Variants in DHRS4L2 observed in about 807,000 individuals in gnomAD.
DHRS4L2 encodes the protein dehydrogenase/reductase 4 like 2.
Under a neutral mutation model 23.9 loss-of-function variants are expected in DHRS4L2, and 22 were observed. That is an observed-to-expected ratio of 0.92 (90% CI 0.66 to 1.31). The LOEUF (loss-of-function observed/expected upper bound fraction) is 1.31, where lower values mean the gene tolerates loss of function less well. Among genes scored for constraint, DHRS4L2 ranks in the 40% most tolerant of loss-of-function variants. The pLI is 0.00. For missense variants in DHRS4L2, 385 were observed against 303.3 expected (o/e 1.27, Z -2.00); for synonymous variants, 141 against 123.7 (o/e 1.14, Z -0.93).
intron 3 of DHRS4L2, among the ~76,000 whole-genome samples, chr14:23,995,411 C>A (rs2034361132): frequency 6.6e-6 from 1 of 151,742 alleles, no homozygotes; most frequent in African/African-American, 2.4e-5. Flanking sequence ...GCTCTTCTGC[C>A]TTGTTGATTT....
At chr14:23,983,109 A>G (rs1213850765) in intron 1 of DHRS4L2, among the ~76,000 whole-genome samples, 1 of 151,738 alleles carries the variant, frequency 6.6e-6, no homozygotes, top group Non-Finnish European at 1.5e-5. Context: ...ACAGAATGGA[A>G]GAAAATTCTT....
rs1354615035 is a variant in DHRS4L2 at position 23,994,436 on chromosome 14, A to G, written c.307-596A>G. Among the ~76,000 whole-genome samples, 9 of 151,778 alleles carry G rather than the reference A, an allele frequency of 5.9e-5. 1 individual carries two copies. The highest frequency in any genetic ancestry group is 2.0e-4 in the Admixed American group (3 of 15,254). On this transcript the variant is annotated intron_variant, in intron 2 of 7. Coordinates refer to ENST00000335125, the MANE Select transcript of DHRS4L2 (RefSeq NM_198083.4). Reference sequence around the variant, plus strand: ...GCCAACTTCCTGGTGGCTTGTGCCTATAACACTTTAGGATACCAAGGCAGG... The same window carrying G: ...GCCAACTTCCTGGTGGCTTGTGCCTGTAACACTTTAGGATACCAAGGCAGG...
upstream of DHRS4L2, among the ~76,000 whole-genome samples, chr14:23,983,931 A>C (rs2034096069): frequency 6.6e-6 from 1 of 151,586 alleles, no homozygotes; most frequent in Admixed American, 6.6e-5. Flanking sequence ...TACTTAATAT[A>C]GATGACGTGT....
In DHRS4L2 at chr14:24,001,052, G is replaced by C. The variant is rs146938082; in HGVS notation, c.499G>C (p.Val167Leu). The C allele has an allele frequency of 2.5e-6, 4 of 1,611,338 alleles. No individual in the cohort carries two copies. In the South Asian group the frequency reaches 4.4e-5, roughly 18 times the overall value. The change falls in exon 5 of 8, where the codon GTG becomes CTG. Residue 167 changes from valine (V) to leucine (L), a missense_variant. Transcript: ENST00000335125. The stretch of plus-strand genomic sequence containing the variant: ...TTCCAGAGGCGGCTCAGTGGTGATC[G>C]TGTCTTCCATAGCAGCCTTCAGTCC... Reference protein sequence around the residue: ...EKRGGGSVVIVSSIAAFSPSP... With the variant: ...EKRGGGSVVILSSIAAFSPSP...
At chr14:23,981,267 A>G (rs1394859918) in intron 1 of DHRS4L2, among the ~76,000 whole-genome samples, 1 of 151,642 alleles carries the variant, frequency 6.6e-6, no homozygotes, top group East Asian at 1.9e-4. Context: ...GACCTCTTCA[A>G]GGAGAACTAC....
intron 3 of DHRS4L2, among the ~76,000 whole-genome samples, chr14:24,000,407 ATC>A (rs1308958448): frequency 6.6e-6 from 1 of 151,146 alleles, no homozygotes; most frequent in Non-Finnish European, 1.5e-5. Flanking sequence ...GGCCAAGAAC[ATC>A]TCACTCCCTA....
intron 3 of DHRS4L2, among the ~76,000 whole-genome samples, chr14:23,998,238 A>G (rs71405828): frequency 7.9e-5 from 12 of 152,138 alleles, no homozygotes; most frequent in South Asian, 2.1e-4. Context: ...TGTTCCATTT[A>G]CAGAGCACAG....
At chr14:24,000,671 C>G (rs1289428431) in intron 3 of DHRS4L2, among the ~76,000 whole-genome samples, 192 bp from the exon 4 acceptor site, 1 of 151,898 alleles carries the variant, frequency 6.6e-6, no homozygotes, top group South Asian at 2.1e-4. Context: ...GTATCATTAT[C>G]TAGCTGAGCA....
Position 24,001,039 on chromosome 14 carries a change from C to A in DHRS4L2, c.486C>A (p.Gly162=). 2 of 1,611,534 alleles carry A rather than the reference C, an allele frequency of 1.2e-6. No homozygotes were observed. The highest frequency in any genetic ancestry group is 1.7e-6 in the Non-Finnish European group (2 of 1,179,498). Residue 162 remains glycine, a synonymous_variant, in exon 5 of 8, where the codon GGC becomes GGA. Coordinates refer to ENST00000335125, the MANE Select transcript of DHRS4L2 (RefSeq NM_198083.4). The part of the protein sequence containing the change: ...VVPEMEKRGG[G]SVVIVSSIAA... ...AGCTCTCTTCTTTTTCCAGAGGCGG[C>A]TCAGTGGTGATCGTGTCTTCCATAG...
At chr14:23,987,137 T>C (rs933602385), upstream of DHRS4L2, 22 of 291,092 alleles carry the variant, frequency 7.6e-5, no homozygotes, top group African/African-American at 5.2e-4. Context: ...CCTTGTTTTT[T>C]TTCTTTTTGT....
At chr14:23,977,977 TTGAAACC>T in intron 1 of DHRS4L2, among the ~76,000 whole-genome samples, 1 of 151,812 alleles carries the variant, frequency 6.6e-6, no homozygotes, top group Admixed American at 6.5e-5. Flanking sequence ...GGATATAAAA[TTGAAACC>T]TTAACTTCTC....
rs756556457 is a variant in DHRS4L2 at position 24,001,444 on chromosome 14, A to C, written c.592A>C (p.Ile198Leu). ...GCTGGGCCTCAACAATACCCTGGCCATAGAGCTGGCCCCAAGGAACATTAG... is the reference window on the plus strand; with the variant it reads ...GCTGGGCCTCAACAATACCCTGGCCCTAGAGCTGGCCCCAAGGAACATTAG... ...ALLGLNNTLAIELAPRNIRVN... is the reference protein window; with the variant it reads ...ALLGLNNTLALELAPRNIRVN... Residue 198 changes from isoleucine (I) to leucine (L), a missense_variant, in exon 6 of 8, where the codon ATA becomes CTA. Physicochemically the swap from Ile to Leu is conservative, Grantham distance 5 (BLOSUM62 2). Transcript: ENST00000335125. The C allele has an allele frequency of 4.7e-5, 76 of 1,607,340 alleles. 5 individuals carry two copies. The East Asian group carries it at 1.7e-3, about 36-fold the overall frequency.
At chr14:23,981,128 T>A (rs1171414602) in intron 1 of DHRS4L2, among the ~76,000 whole-genome samples, 1 of 151,650 alleles carries the variant, frequency 6.6e-6, no homozygotes, top group Admixed American at 6.6e-5. Context: ...ACAAAATCAA[T>A]GTGCAAAAAT....
At chr14:23,981,256 G>A (rs1354572070) in intron 1 of DHRS4L2, among the ~76,000 whole-genome samples, 6 of 151,496 alleles carry the variant, frequency 4.0e-5, no homozygotes, top group Admixed American at 3.9e-4. Context: ...GGGATGTGAA[G>A]GACCTCTTCA....
At chr14:23,995,892 T>C (rs1277852825) in intron 3 of DHRS4L2, among the ~76,000 whole-genome samples, 1 of 151,826 alleles carries the variant, frequency 6.6e-6, no homozygotes, top group Non-Finnish European at 1.5e-5. Context: ...TATTAGTCTG[T>C]TTTGCATTGC....
At chr14:23,987,426 C>T (rs776503095), upstream of DHRS4L2, among the ~76,000 whole-genome samples, 21 of 151,644 alleles carry the variant, frequency 1.4e-4, 2 homozygotes, top group Non-Finnish European at 2.9e-4. Context: ...CCACGCCCAG[C>T]TGAATGTCCA....
At chr14:23,970,359 G>C (rs554979719) in intron 1 of DHRS4L2, 9,452 of 404,130 alleles carry the variant, frequency 0.023, 234 homozygotes, top group Non-Finnish European at 0.034. Context: ...GGTGGGGGGC[G>C]GGGGGCCGAA....
chr14:23,975,744 G>T (rs533146776), intron 1 of DHRS4L2, among the ~76,000 whole-genome samples: 6 of 151,642 alleles, frequency 4.0e-5, no homozygotes, highest in Non-Finnish European at 5.9e-5. Flanking sequence ...TAGACCAATG[G>T]AACAGAACAG....
At chr14:23,988,904 A>C (rs1566493292), upstream of DHRS4L2, 18 of 1,605,034 alleles carry the variant, frequency 1.1e-5, no homozygotes, top group Non-Finnish European at 1.5e-5. Flanking sequence ...CTACTCTGTC[A>C]CCTCCGCTGG....
Sources: gnomAD v4.1 joint callset for allele counts (sites outside exome capture counted in the v4.1 genomes callset) on GRCh38, gnomAD v4.1.1 for gene constraint, MANE v1.5 for transcripts, NCBI Gene and HGNC (gene_info 2026-07-23, HGNC 2026-07-21) for gene names.